GTPBP6: variants seen among roughly 807,000 people sequenced by gnomAD.
GTPBP6 encodes putative GTP-binding protein 6.
A neutral mutation model predicts 28.9 loss-of-function variants in GTPBP6; 33 were observed. That is an observed-to-expected ratio of 1.14 (90% CI 0.87 to 1.53). The LOEUF (loss-of-function observed/expected upper bound fraction) is 1.53. Among genes scored for constraint, GTPBP6 ranks in the 40% most tolerant of loss-of-function variants. GTPBP6 has a pLI of 0.00. For synonymous variants in GTPBP6, 231 were observed against 192.7 expected (o/e 1.20, Z -1.65); for missense variants, 507 against 408.3 (o/e 1.24, Z -2.08).
chrX:316,278 G>C (rs1301985728), intron 2 of GTPBP6, among the ~76,000 whole-genome samples: 3 of 18,388 alleles, frequency 1.6e-4, no homozygotes, highest in East Asian at 1.7e-3. Flanking sequence ...CACACACACA[G>C]TAAATACATC....
exon 1 of GTPBP6, chrX:318,689 C>A (rs2124483367): frequency 5.1e-6 from 2 of 388,788 alleles, no homozygotes; most frequent in East Asian, 3.6e-5. Context: ...CTAGCGCGCG[C>A]GCGGGGCAGG....
intron 9 of GTPBP6, 133 bp downstream of exon 9, chrX:307,227 A>T: frequency 1.3e-6 from 1 of 759,810 alleles, no homozygotes; most frequent in Non-Finnish European, 2.1e-6. Context: ...ATGCAAACCC[A>T]TTCATCTCGT....
At chrX:312,980 C>T (rs184081458) in intron 5 of GTPBP6, 56 bp from the exon 6 acceptor site, 105,330 of 1,511,596 alleles carry the variant, frequency 0.07, 3,986 homozygotes, top group East Asian at 0.096. Flanking sequence ...GGCACAAGTG[C>T]GGGCGGTGCC....
rs1301491021 is a variant in GTPBP6, at chrX:318,441, C to G, written c.347G>C (p.Arg116Pro). The G allele has an allele frequency of 2.9e-3, 1,147 of 398,510 alleles. 16 individuals are homozygous for G. Among genetic ancestry groups the G allele is most frequent in the African/African-American group, 0.022 (1,049 of 48,714 alleles). The allele number at this position is 398,510 out of a possible 1,614,324, so 24.7% of individuals were successfully genotyped here. ...CCCGAAAGCCCTGCCGCGGTCACCT[C>G]GAGTCATCTGCGACTTCCCCGGGCC... Residue 116 changes from arginine to proline, a missense_variant and splice_region_variant, in exon 1 of 10, where the codon CGA becomes CCA. Physicochemically the swap from Arg to Pro is moderately radical, Grantham distance 103. Transcript: ENST00000326153.
At chrX:314,595 C>T (rs1293065416) in intron 4 of GTPBP6, among the ~76,000 whole-genome samples, 3 of 151,998 alleles carry the variant, frequency 2.0e-5, no homozygotes, top group Non-Finnish European at 2.9e-5. Context: ...GCCTCAGCCT[C>T]CTGAGTAGCT....
chrX:311,409 C>T lies in GTPBP6; in HGVS notation c.1125+10G>A, dbSNP rs2070294082. 5.7e-6 allele frequency: 7 copies of T among 1,237,874 alleles called. 1 individual carries two copies. The South Asian group carries it at 9.7e-5, about 17-fold the overall frequency. 76.7% of individuals were successfully genotyped at this position (1,237,874 alleles called of 1,614,324 possible). A position where few individuals can be genotyped will look rare whatever the true frequency, so the allele number is the denominator to read the frequency against. On this transcript the variant is annotated intron_variant, in intron 7 of 9. Transcript: ENST00000326153. Reference sequence around the variant, plus strand: ...TCCGAGCACCCGATCCCCGGCCGTCCCACGCTCACCGAGTGGGCCACGTCT... The same window carrying T: ...TCCGAGCACCCGATCCCCGGCCGTCTCACGCTCACCGAGTGGGCCACGTCT...
At chrX:316,991 A>G in exon 2 of GTPBP6, 1 of 398,500 alleles carries the variant, frequency 2.5e-6, no homozygotes, top group Non-Finnish European at 4.4e-6. Context: ...CATTGTCTGC[A>G]CCACGGACCA....
exon 1 of GTPBP6, chrX:318,597 C>T (rs1371277199): frequency 7.5e-6 from 3 of 397,988 alleles, no homozygotes; most frequent in Non-Finnish European, 1.3e-5. Flanking sequence ...TCCCGTGCGG[C>T]TTCGGCCGCC....
In GTPBP6 at chrX:315,151, C is replaced by CT. The variant is rs1212487641; in HGVS notation, c.558+77dup. ...CCATCTGTCCCCATCTGTCCCCCGC[C>CT]TGGCCGGACGCCGTGGCGTCCCCTC... On this transcript the variant is annotated intron_variant, in intron 3 of 9. Transcript: ENST00000326153. 12 of 389,978 alleles carry CT rather than the reference C, an allele frequency of 3.1e-5. No individual in the cohort carries two copies. In the Admixed American group the frequency reaches 5.2e-4, roughly 17 times the overall value. The allele number at this position is 389,978 out of a possible 1,614,324, so 24.2% of individuals were successfully genotyped here.
chrX:317,583 G>C (rs1209623771), intron 1 of GTPBP6, among the ~76,000 whole-genome samples: 10 of 149,422 alleles, frequency 6.7e-5, no homozygotes, highest in African/African-American at 2.5e-4. Context: ...ACTAGACACA[G>C]ATTGGTCCGC....
At chrX:316,812 C>A (rs1421704696) in intron 2 of GTPBP6, 102 bp downstream of exon 2, 2 of 398,994 alleles carry the variant, frequency 5.0e-6, no homozygotes, top group Non-Finnish European at 8.8e-6. Flanking sequence ...TCCCCTCTGG[C>A]CCCGCAAGAC....
At chrX:311,265 G>T (rs776002446) in intron 7 of GTPBP6, among the ~76,000 whole-genome samples, 154 bp downstream of exon 7, 3,191 of 76,912 alleles carry the variant, frequency 0.041, 283 homozygotes, top group African/African-American at 0.14. Context: ...GGTGTCCGAG[G>T]GCCTGGCCCC....
In GTPBP6 at chrX:311,764, C is replaced by G. The variant is rs183746639; in HGVS notation, c.917-137G>C. 1.1e-3 allele frequency: 766 copies of G among 708,442 alleles called. 5 individuals carry two copies. The highest frequency in any genetic ancestry group is 6.9e-3 in the East Asian group (256 of 37,090). 43.9% of individuals were successfully genotyped at this position (708,442 alleles called of 1,614,324 possible). Reference sequence around the variant, plus strand: ...CGGGCTACACGGTCCCTGAGCTCCTCGGGCACCCCGGGCCAGACCCGACGC... The same window carrying G: ...CGGGCTACACGGTCCCTGAGCTCCTGGGGCACCCCGGGCCAGACCCGACGC... On this transcript the variant is annotated intron_variant, in intron 6 of 9. Coordinates refer to ENST00000326153, the Ensembl canonical transcript of GTPBP6.
intron 5 of GTPBP6, 72 bp from the exon 6 acceptor site, chrX:312,996 G>C: frequency 7.3e-7 from 1 of 1,368,362 alleles, no homozygotes; most frequent in Non-Finnish European, 1.0e-6. Context: ...GTGCCGCGGA[G>C]GGTCTGCGGG....
rs775562552 is a variant in GTPBP6, at chrX:305,211, C to T, written c.1428-14G>A. 6.9e-6 allele frequency: 11 copies of T among 1,600,076 alleles called. No individual in the cohort carries two copies. Among genetic ancestry groups the T allele is most frequent in the African/African-American group, 6.7e-5 (5 of 74,600 alleles). ...TTATACAGCCAGCTGGGCACAGATG[C>T]GCGTTGTATGGAGACAAGCAGAACC... On this transcript the variant is annotated splice_polypyrimidine_tract_variant and intron_variant, in intron 9 of 9. Transcript: ENST00000326153.
chrX:307,839 CG>C lies in GTPBP6; in HGVS notation c.1166del (p.Ala389GlyfsTer59). 1 of 1,543,572 alleles carries C rather than the reference CG, an allele frequency of 6.5e-7. No homozygotes were observed. The highest frequency in any genetic ancestry group is 2.1e-5 in the Admixed American group (1 of 47,142). ...ACAGAACGCTGCATTTCTGGAGCTC[CG>C]CCTCGGGGTGGCTGACGTCCCTCAC... is the stretch of plus-strand genomic sequence containing the variant. On this transcript the variant is annotated frameshift_variant, in exon 8 of 10. Transcript: ENST00000326153. LOFTEE classifies it high-confidence loss of function.
intron 1 of GTPBP6, 78 bp from the exon 2 acceptor site, chrX:317,129 C>G (rs1247309756): frequency 2.5e-6 from 1 of 398,102 alleles, no homozygotes; most frequent in Non-Finnish European, 4.4e-6. Context: ...GAGGCCTCCT[C>G]CTGCCCTTGA....
rs761843039 is a variant in GTPBP6, at chrX:311,809, G to A, written c.917-182C>T. On this transcript the variant is annotated intron_variant, in intron 6 of 9. Coordinates refer to ENST00000326153, the Ensembl canonical transcript of GTPBP6. ...CGACGCGTGGGACAAAGCCACCGTC[G>A]CTGTTCTCGGGCCGATGGAGCGGGG... The A allele has an allele frequency of 6.3e-4, 393 of 624,356 alleles. 1 individual carries two copies. The highest frequency in any genetic ancestry group is 6.2e-3 in the African/African-American group (341 of 54,912). 38.7% of individuals were successfully genotyped at this position (624,356 alleles called of 1,614,324 possible).
chrX:307,318 T>C (rs376627274), intron 9 of GTPBP6, 42 bp downstream of exon 9: 19 of 1,596,168 alleles, frequency 1.2e-5, no homozygotes, highest in Non-Finnish European at 1.6e-5. Flanking sequence ...GAGACAGGCA[T>C]CCAAAGCACC....
Sources: gnomAD v4.1 joint callset for allele counts (sites outside exome capture counted in the v4.1 genomes callset) on GRCh38, gnomAD v4.1.1 for gene constraint, MANE v1.5 for transcripts, NCBI Gene and HGNC (gene_info 2026-07-23, HGNC 2026-07-21) for gene names.